Variants in ERO1A observed in about 807,000 individuals in gnomAD.
ERO1A encodes the protein ERO1-like protein alpha.
Under a neutral mutation model 76.9 loss-of-function variants are expected in ERO1A, and 49 were observed. That is an observed-to-expected ratio of 0.64 (90% CI 0.51 to 0.81). ERO1A has a LOEUF of 0.81. Ranked by LOEUF, ERO1A falls within the 30% of genes least tolerant of loss-of-function variation. The pLI is 0.00. For missense variants in ERO1A, 448 were observed against 542.1 expected (o/e 0.83, Z 1.72); for synonymous variants, 174 against 181.2 (o/e 0.96, Z 0.32).
chr14:52,678,846 T>C (rs999260950), intron 3 of ERO1A, among the ~76,000 whole-genome samples: 1 of 152,184 alleles, frequency 6.6e-6, no homozygotes, highest in Non-Finnish European at 1.5e-5. Flanking sequence ...ATTGTTTTTG[T>C]TTTCTGTGAT....
chr14:52,663,271 T>C (rs930492385), intron 8 of ERO1A, among the ~76,000 whole-genome samples: 2 of 152,146 alleles, frequency 1.3e-5, no homozygotes, highest in African/African-American at 2.4e-5. Flanking sequence ...ATCTTTATTT[T>C]TTGATAATCT....
intron 11 of ERO1A, among the ~76,000 whole-genome samples, chr14:52,654,167 A>G (rs762906926): frequency 6.6e-6 from 1 of 152,074 alleles, no homozygotes; most frequent in Non-Finnish European, 1.5e-5. Flanking sequence ...TCTCCCCATG[A>G]ACATTTTCTG....
chr14:52,693,471 C>G (rs531865669), intron 1 of ERO1A, among the ~76,000 whole-genome samples: 1 of 152,250 alleles, frequency 6.6e-6, no homozygotes, highest in South Asian at 2.1e-4. Context: ...ACCTTGTGAT[C>G]ATGTGAATTA....
chr14:52,695,017 A>G (rs1438661875), intron 1 of ERO1A, among the ~76,000 whole-genome samples: 2 of 152,210 alleles, frequency 1.3e-5, no homozygotes, highest in African/African-American at 2.4e-5. Context: ...GAAGTGAGAA[A>G]GATCCAGGTT....
At chr14:52,682,525 C>G in intron 2 of ERO1A, 117 bp from the exon 3 acceptor site, 2 of 687,908 alleles carry the variant, frequency 2.9e-6, no homozygotes, top group Non-Finnish European at 4.9e-6. Flanking sequence ...TACAGTATTT[C>G]TTCCACCTAT....
Position 52,646,355 on chromosome 14 carries a change from G to T in ERO1A, c.1212+20C>A. Reference sequence around the variant, plus strand: ...CATGCAAAGGGTAAATGAGAAATAGGAATGACTAAATTTGCTTACCTGAAG... The same window carrying T: ...CATGCAAAGGGTAAATGAGAAATAGTAATGACTAAATTTGCTTACCTGAAG... On this transcript the variant is annotated intron_variant, in intron 14 of 15. Coordinates refer to ENST00000395686, the MANE Select transcript of ERO1A (RefSeq NM_014584.3). The T allele has an allele frequency of 6.2e-7, 1 of 1,606,572 alleles. No homozygotes were observed. The highest frequency in any genetic ancestry group is 8.5e-7 in the Non-Finnish European group (1 of 1,177,088).
At chr14:52,665,939 T>C (rs1286934117) in intron 7 of ERO1A, among the ~76,000 whole-genome samples, 3 of 152,226 alleles carry the variant, frequency 2.0e-5, no homozygotes, top group African/African-American at 7.2e-5. Context: ...ATGATACCTA[T>C]TATAATTGTT....
intron 3 of ERO1A, among the ~76,000 whole-genome samples, chr14:52,680,082 C>A (rs201007017): frequency 1.4e-3 from 127 of 90,860 alleles, no homozygotes; most frequent in Middle Eastern, 6.6e-3. Flanking sequence ...AAAACACAAA[C>A]AAAAAAAAAA....
chr14:52,691,914 T>G (rs918341330), intron 1 of ERO1A, among the ~76,000 whole-genome samples: 12 of 152,354 alleles, frequency 7.9e-5, no homozygotes, highest in Non-Finnish European at 1.3e-4. Flanking sequence ...AATCATTCAT[T>G]TTGAGCAACT....
At chr14:52,693,403 G>C (rs549508144) in intron 1 of ERO1A, among the ~76,000 whole-genome samples, 40 of 152,186 alleles carry the variant, frequency 2.6e-4, no homozygotes, top group Non-Finnish European at 1.5e-4. Context: ...AAGTTCTTCA[G>C]TTTCGGAACT....
chr14:52,676,351 G>A (rs116708405), intron 4 of ERO1A, among the ~76,000 whole-genome samples: 3 of 152,054 alleles, frequency 2.0e-5, no homozygotes, highest in Non-Finnish European at 2.9e-5. Context: ...AGGATTGCTC[G>A]GTTTCTATTT....
At position 52,695,458 on chromosome 14, in the gene ERO1A, C is replaced by A; in HGVS notation, c.24G>T (p.Leu8Phe). The A allele has an allele frequency of 6.5e-7, 1 of 1,540,194 alleles. No homozygotes were observed. The change falls in exon 1 of 16, where the codon TTG becomes TTT. Residue 8 changes from leucine (L) to phenylalanine (F), a missense_variant. Transcript: ENST00000395686. MGRGWGF[L>F]FGLLGAVWLL... ...GCCACACGGCGCCCAGGAGGCCAAACAAGAATCCCCAGCCGCGGCCCATTG... is the reference window on the plus strand; with the variant it reads ...GCCACACGGCGCCCAGGAGGCCAAAAAAGAATCCCCAGCCGCGGCCCATTG...
At position 52,646,367 on chromosome 14, in the gene ERO1A, T is replaced by G. The variant is rs756903858; in HGVS notation, c.1212+8A>C. On this transcript the variant is annotated splice_region_variant and intron_variant, in intron 14 of 15. Coordinates refer to ENST00000395686, the MANE Select transcript of ERO1A (RefSeq NM_014584.3). Reference sequence around the variant, plus strand: ...AAATGAGAAATAGGAATGACTAAATTTGCTTACCTGAAGCTTTCCCCACAG... The same window carrying G: ...AAATGAGAAATAGGAATGACTAAATGTGCTTACCTGAAGCTTTCCCCACAG... 11 of 1,608,464 alleles carry G rather than the reference T, an allele frequency of 6.8e-6. No individual in the cohort carries two copies. The East Asian group carries it at 2.2e-4, about 33-fold the overall frequency.
chr14:52,661,696 T>C (rs947035697), intron 8 of ERO1A, among the ~76,000 whole-genome samples: 13 of 152,186 alleles, frequency 8.5e-5, no homozygotes, highest in Non-Finnish European at 1.6e-4. Context: ...TTCTGTTAAA[T>C]ATTATTATTA....
rs1250162166 is a variant in ERO1A at position 52,642,831 on chromosome 14, T to C, written c.*739A>G. The C allele has an allele frequency of 6.6e-6, 1 of 152,616 alleles. No homozygotes were observed. The highest frequency in any genetic ancestry group is 2.4e-5 in the African/African-American group (1 of 41,458). The allele number at this position is 152,616 out of a possible 1,614,324, so 9.5% of individuals were successfully genotyped here. A position where few individuals can be genotyped will look rare whatever the true frequency, so the allele number is the denominator to read the frequency against. Reference sequence around the variant, plus strand: ...TTATGAGAATAAATATATAATCTATTCAACTTTTCACAATGTTTAGAAATC... The same window carrying C: ...TTATGAGAATAAATATATAATCTATCCAACTTTTCACAATGTTTAGAAATC... On this transcript the variant is annotated 3_prime_UTR_variant, in exon 16 of 16. Transcript: ENST00000395686.
intron 4 of ERO1A, among the ~76,000 whole-genome samples, chr14:52,674,388 G>A (rs879908361): frequency 3.9e-5 from 6 of 151,958 alleles, no homozygotes; most frequent in Non-Finnish European, 8.8e-5. Context: ...TTGTAGAGAT[G>A]GGGTCTCACA....
chr14:52,693,002 C>CTTTT (rs559143853), intron 1 of ERO1A, among the ~76,000 whole-genome samples: 202 of 85,718 alleles, frequency 2.4e-3, no homozygotes, highest in East Asian at 3.5e-3. Flanking sequence ...AAATAGACAA[C>CTTTT]TTTTTTTTTT....
rs2041530569 is a variant in ERO1A, at chr14:52,695,535, G to A, written c.-54C>T. ...CTTGGGAGGCCAGTCCGCACGCTCG[G>A]TCGCGGGCCGTGCGCCCTCAGATGA... On this transcript the variant is annotated 5_prime_UTR_variant, in exon 1 of 16. Coordinates refer to ENST00000395686, the MANE Select transcript of ERO1A (RefSeq NM_014584.3). The A allele has an allele frequency of 3.9e-6, 5 of 1,296,462 alleles. No individual in the cohort carries two copies. Among genetic ancestry groups the A allele is most frequent in the African/African-American group, 3.1e-5 (2 of 64,914 alleles). 80.3% of individuals were successfully genotyped at this position (1,296,462 alleles called of 1,614,324 possible).
chr14:52,684,807 T>G lies in ERO1A; in HGVS notation c.115-900A>C, dbSNP rs372932942. The stretch of plus-strand genomic sequence containing the variant: ...ATTATGAAACTAGAATTCTTTTTTT[T>G]TCTTTTTTCACCAGTGTTACTTGCC... On this transcript the variant is annotated intron_variant, in intron 1 of 15. Transcript: ENST00000395686. 6.7e-3 allele frequency among the ~76,000 whole-genome samples: 126 copies of G among 18,692 alleles called. 2 individuals carry two copies. The highest frequency in any genetic ancestry group is 0.024 in the African/African-American group (100 of 4,144). 12.3% of individuals were successfully genotyped at this position (18,692 alleles called of 152,430 possible). A position where few individuals can be genotyped will look rare whatever the true frequency, so the allele number is the denominator to read the frequency against.
Sources: gnomAD v4.1 joint callset for allele counts (sites outside exome capture counted in the v4.1 genomes callset) on GRCh38, gnomAD v4.1.1 for gene constraint, MANE v1.5 for transcripts, NCBI Gene and HGNC (gene_info 2026-07-23, HGNC 2026-07-21) for gene names.